The following SLAIN2 variants were observed in gnomAD, a reference collection of about 807,000 sequenced individuals.
The protein encoded by SLAIN2 is SLAIN family member 2, also known as SLAIN motif-containing protein 2.
SLAIN2 carries 31 observed loss-of-function variants against 56.6 expected under a neutral mutation model. The observed-to-expected ratio is 0.55, with a 90% CI of 0.41 to 0.74. The LOEUF (loss-of-function observed/expected upper bound fraction) is 0.74, where lower values mean the gene tolerates loss of function less well. Among genes scored for constraint, SLAIN2 ranks in the 30% least tolerant of loss-of-function variants. The pLI is 0.00. For missense variants in SLAIN2, 777 were observed against 754.2 expected (o/e 1.03, Z -0.35); for synonymous variants, 317 against 284.9 (o/e 1.11, Z -1.13).
intron 6 of SLAIN2, among the ~76,000 whole-genome samples, chr4:48,413,232 A>C (rs1246588251): frequency 6.6e-6 from 1 of 151,458 alleles, no homozygotes; most frequent in Admixed American, 6.6e-5. Context: ...TGCCTCAAAA[A>C]AAAAAAAAAA....
At chr4:48,363,721 A>C in intron 1 of SLAIN2, among the ~76,000 whole-genome samples, 1 of 105,666 alleles carries the variant, frequency 9.5e-6, no homozygotes. Flanking sequence ...CACCTCCCAG[A>C]CGGGGCGGCT....
At chr4:48,397,510 TTTTTA>T (rs1463755823) in intron 6 of SLAIN2, among the ~76,000 whole-genome samples, 5 of 152,178 alleles carry the variant, frequency 3.3e-5, no homozygotes, top group Non-Finnish European at 7.3e-5. Context: ...TTTCCTTCAA[TTTTTA>T]TTTTAAGTTT....
intron 1 of SLAIN2, among the ~76,000 whole-genome samples, chr4:48,365,489 C>T (rs1283753952): frequency 7.1e-6 from 1 of 141,120 alleles, no homozygotes; most frequent in African/African-American, 2.6e-5. Context: ...CTATACTTTT[C>T]TGTTTTCTAT....
Position 48,341,715 on chromosome 4 carries a change from AGGCGGC to A in SLAIN2, c.-13_-8del, listed in dbSNP as rs745600491. 4 of 1,521,546 alleles carry A rather than the reference AGGCGGC, an allele frequency of 2.6e-6. No individual in the cohort carries two copies. The highest frequency in any genetic ancestry group is 1.4e-5 in the African/African-American group (1 of 69,990). 94.3% of individuals were successfully genotyped at this position (1,521,546 alleles called of 1,614,324 possible). A position where few individuals can be genotyped will look rare whatever the true frequency, so the allele number is the denominator to read the frequency against. The stretch of plus-strand genomic sequence containing the variant: ...CGCTGCGAGAGCGAGCGGGCGGCGG[AGGCGGC>A]GGCGGCGGCGGGGCCGGGATGGAGG... On this transcript the variant is annotated 5_prime_UTR_variant, in exon 1 of 8. Transcript: ENST00000264313.
chr4:48,399,673 T>C (rs1450498966), intron 6 of SLAIN2, among the ~76,000 whole-genome samples: 2 of 152,108 alleles, frequency 1.3e-5, no homozygotes, highest in African/African-American at 2.4e-5. Context: ...TTTGAGGTAT[T>C]TCCTTCAATA....
At chr4:48,395,441 T>C (rs1716351093) in intron 6 of SLAIN2, among the ~76,000 whole-genome samples, 1 of 137,470 alleles carries the variant, frequency 7.3e-6, no homozygotes, top group African/African-American at 2.6e-5. Context: ...ATTAGATTTT[T>C]TTTGAAAAAA....
intron 6 of SLAIN2, among the ~76,000 whole-genome samples, chr4:48,399,417 G>A (rs1462206447): frequency 4.6e-5 from 7 of 152,118 alleles, no homozygotes; most frequent in African/African-American, 1.7e-4. Context: ...AAATGATGGG[G>A]TTTTCTGGAT....
At chr4:48,365,115 A>G (rs1411225146) in intron 1 of SLAIN2, among the ~76,000 whole-genome samples, 1 of 151,780 alleles carries the variant, frequency 6.6e-6, no homozygotes, top group African/African-American at 2.4e-5. Context: ...GTTTTTGGTA[A>G]GTTATATTTT....
chr4:48,415,493 C>A (rs1716978186), intron 6 of SLAIN2, among the ~76,000 whole-genome samples: 1 of 59,702 alleles, frequency 1.7e-5, no homozygotes, highest in Non-Finnish European at 3.8e-5. Flanking sequence ...CGAAAATTTT[C>A]TCCCATGTTG....
intron 2 of SLAIN2, among the ~76,000 whole-genome samples, chr4:48,372,986 C>T (rs974199884): frequency 2.1e-4 from 32 of 152,058 alleles, no homozygotes; most frequent in African/African-American, 7.7e-4. Flanking sequence ...CACTCAGGTT[C>T]GCTGCAGCGC....
chr4:48,342,337 G>A (rs1714735441), intron 1 of SLAIN2, among the ~76,000 whole-genome samples: 2 of 152,356 alleles, frequency 1.3e-5, no homozygotes, highest in East Asian at 3.9e-4. Flanking sequence ...GTAGCTCGTT[G>A]TCCTTTGGAT....
intron 6 of SLAIN2, among the ~76,000 whole-genome samples, chr4:48,412,732 A>G (rs1184472495): frequency 6.6e-6 from 1 of 152,204 alleles, no homozygotes; most frequent in Non-Finnish European, 1.5e-5. Context: ...TCTAATAACT[A>G]ACAATTTTTG....
rs968863442 is a variant in SLAIN2, at chr4:48,412,320, T to C, written c.1361-7805T>C. On this transcript the variant is annotated intron_variant, in intron 6 of 7. Coordinates refer to ENST00000264313, the MANE Select transcript of SLAIN2 (RefSeq NM_020846.2). ...AAAACTTCCCCTACCAGGGTGGAGATATCTAATGAATCTTAATAGTTCCTG... is the reference window on the plus strand; with the variant it reads ...AAAACTTCCCCTACCAGGGTGGAGACATCTAATGAATCTTAATAGTTCCTG... Among the ~76,000 whole-genome samples, 2 of 142,710 alleles carry C rather than the reference T, an allele frequency of 1.4e-5. 1 individual carries two copies. Among genetic ancestry groups the C allele is most frequent in the Admixed American group, 1.4e-4 (2 of 13,832 alleles). 93.6% of individuals were successfully genotyped at this position (142,710 alleles called of 152,430 possible).
chr4:48,379,559 A>T, intron 3 of SLAIN2, 131 bp from the exon 4 acceptor site: 1 of 801,336 alleles, frequency 1.2e-6, no homozygotes, highest in African/African-American at 1.8e-5. Flanking sequence ...ATTTCAGGGA[A>T]TTTTTTAAGC....
At chr4:48,414,621 A>G (rs1461907159) in intron 6 of SLAIN2, among the ~76,000 whole-genome samples, 2 of 135,176 alleles carry the variant, frequency 1.5e-5, no homozygotes, top group East Asian at 2.2e-4. Flanking sequence ...GGTTAGTTAC[A>G]TATGTATACA....
chr4:48,378,416 A>G (rs754217134), intron 3 of SLAIN2, among the ~76,000 whole-genome samples: 12 of 152,228 alleles, frequency 7.9e-5, no homozygotes, highest in Non-Finnish European at 1.5e-4. Flanking sequence ...AGGAATTTTA[A>G]TAAACTTTGA....
chr4:48,405,233 C>T (rs947703779), intron 6 of SLAIN2, among the ~76,000 whole-genome samples: 2 of 152,190 alleles, frequency 1.3e-5, no homozygotes, highest in Non-Finnish European at 2.9e-5. Flanking sequence ...ACATCGTCCA[C>T]CTGTCTGCTT....
intron 6 of SLAIN2, among the ~76,000 whole-genome samples, chr4:48,418,593 A>G (rs934320332): frequency 4.6e-5 from 7 of 152,146 alleles, no homozygotes; most frequent in African/African-American, 1.7e-4. Context: ...TTTGTAAACA[A>G]TATTGATCCG....
chr4:48,394,118 TCTC>T (rs1023639237), intron 6 of SLAIN2, among the ~76,000 whole-genome samples: 32 of 152,300 alleles, frequency 2.1e-4, no homozygotes, highest in African/African-American at 7.0e-4. Context: ...TGAGTTTTCT[TCTC>T]CTTTTTGAGT....
Sources: allele counts gnomAD v4.1 joint callset (sites outside exome capture counted in the v4.1 genomes callset), GRCh38; gene constraint gnomAD v4.1.1; transcripts MANE v1.5; gene names NCBI Gene and HGNC (gene_info 2026-07-23, HGNC 2026-07-21).